The following EIF2AK3 variants were observed in gnomAD, a reference collection of about 807,000 sequenced individuals.
EIF2AK3 encodes the protein eukaryotic translation initiation factor 2 alpha kinase 3, also known as eukaryotic translation initiation factor 2-alpha kinase 3.
EIF2AK3 carries 50 observed loss-of-function variants against 113.5 expected under a neutral mutation model. The ratio of observed to expected loss-of-function variants is 0.44; its 90% CI spans 0.35 to 0.56. The LOEUF (loss-of-function observed/expected upper bound fraction) is 0.56. EIF2AK3 is among the 20% of genes least tolerant of loss of function. The pLI is 0.00. For missense variants in EIF2AK3, 1,185 were observed against 1,378.0 expected (o/e 0.86, Z 2.22); for synonymous variants, 448 against 495.4 (o/e 0.90, Z 1.27).
At chr2:88,594,630 G>A (rs1348478755) in intron 3 of EIF2AK3, among the ~76,000 whole-genome samples, 2 of 152,100 alleles carry the variant, frequency 1.3e-5, no homozygotes, top group Non-Finnish European at 2.9e-5. Flanking sequence ...TGACTTTGTT[G>A]TCAGATAGAT....
intron 8 of EIF2AK3, among the ~76,000 whole-genome samples, chr2:88,587,008 C>G (rs1348899083): frequency 6.7e-6 from 1 of 149,740 alleles, no homozygotes; most frequent in Non-Finnish European, 1.5e-5. Context: ...AGTTCGAGAA[C>G]AGCCTGGCCA....
rs546445408 is a variant in EIF2AK3 at position 88,615,880 on chromosome 2, G to A, written c.309-2027C>T. Among the ~76,000 whole-genome samples the A allele has an allele frequency of 1.2e-3, 177 of 152,218 alleles. 1 individual carries two copies. Among genetic ancestry groups the A allele is most frequent in the African/African-American group, 4.0e-3 (168 of 41,544 alleles). On this transcript the variant is annotated intron_variant, in intron 1 of 16. Transcript: ENST00000303236. ...CTCGCCCCTACCACCTCACTAAAAT[G>A]GTTCTTGTCAGAGTCAAGAATGACC... is the stretch of plus-strand genomic sequence containing the variant.
intron 2 of EIF2AK3, among the ~76,000 whole-genome samples, chr2:88,600,598 G>C (rs1159321482): frequency 6.6e-6 from 1 of 152,106 alleles, no homozygotes. Flanking sequence ...GTCTATCTGT[G>C]TAATCATAAA....
chr2:88,624,470 T>C (rs925617751), intron 1 of EIF2AK3, among the ~76,000 whole-genome samples: 1 of 152,216 alleles, frequency 6.6e-6, no homozygotes, highest in African/African-American at 2.4e-5. Context: ...TTAAACTCTT[T>C]AAGTGTGCTC....
chr2:88,563,936 T>G (rs1358205661), intron 14 of EIF2AK3, among the ~76,000 whole-genome samples: 1 of 152,224 alleles, frequency 6.6e-6, no homozygotes, highest in Non-Finnish European at 1.5e-5. Context: ...TTTTGTTATA[T>G]GTCCCTATAC....
At chr2:88,602,448 AAG>A (rs1675173130) in intron 2 of EIF2AK3, among the ~76,000 whole-genome samples, 1 of 152,156 alleles carries the variant, frequency 6.6e-6, no homozygotes, top group African/African-American at 2.4e-5. Flanking sequence ...GGGTAAGAAA[AAG>A]AGTGTGGCAA....
chr2:88,595,843 C>A, intron 2 of EIF2AK3, 180 bp from the exon 3 acceptor site: 1 of 695,974 alleles, frequency 1.4e-6, no homozygotes, highest in East Asian at 2.7e-5. Flanking sequence ...TGCAGTCCAT[C>A]AACCAAAAGT....
intron 6 of EIF2AK3, among the ~76,000 whole-genome samples, chr2:88,589,586 A>T (rs923083656): frequency 2.5e-4 from 38 of 151,372 alleles, no homozygotes; most frequent in Non-Finnish European, 5.5e-4. Flanking sequence ...AAATACAGAA[A>T]ATTATAGACT....
At chr2:88,626,575 C>T (rs1675864369) in intron 1 of EIF2AK3, among the ~76,000 whole-genome samples, 1 of 152,242 alleles carries the variant, frequency 6.6e-6, no homozygotes, top group African/African-American at 2.4e-5. Context: ...AAAGTCCTTT[C>T]TCAAAACAGC....
At chr2:88,587,806 A>G (rs1201484876) in intron 8 of EIF2AK3, among the ~76,000 whole-genome samples, 176 bp downstream of exon 8, 1 of 152,210 alleles carries the variant, frequency 6.6e-6, no homozygotes, top group African/African-American at 2.4e-5. Flanking sequence ...GCATGTGGCA[A>G]AAATGGGATC....
At chr2:88,601,803 A>C (rs538243111) in intron 2 of EIF2AK3, among the ~76,000 whole-genome samples, 27 of 91,300 alleles carry the variant, frequency 3.0e-4, no homozygotes, top group African/African-American at 1.1e-3. Context: ...TAATTTTGTC[A>C]TTCTTTCTGC....
At chr2:88,601,586 C>T (rs1675148100) in intron 2 of EIF2AK3, among the ~76,000 whole-genome samples, 1 of 152,186 alleles carries the variant, frequency 6.6e-6, no homozygotes, top group Admixed American at 6.5e-5. Flanking sequence ...TGGCCCTTTA[C>T]AGGAAAAGTT....
chr2:88,596,550 G>T (rs1675027072), intron 2 of EIF2AK3, among the ~76,000 whole-genome samples: 1 of 152,086 alleles, frequency 6.6e-6, no homozygotes. Context: ...AAGAGCTTAG[G>T]GTAGACCCCA....
intron 2 of EIF2AK3, among the ~76,000 whole-genome samples, chr2:88,606,313 T>A (rs10206625): frequency 1.8e-4 from 26 of 144,982 alleles, no homozygotes; most frequent in African/African-American, 5.9e-4. Flanking sequence ...AAAAATAAAA[T>A]AAAAAATAAA....
In EIF2AK3 at chr2:88,590,942, TTA is replaced by T; in HGVS notation, c.876_877del (p.Lys293AsnfsTer23). ...CTGTTCTTCCACATCTGAAATAATT[TTA>T]GACTCTTCTGTGTTCTCATTGGGCT... On this transcript the variant is annotated frameshift_variant, in exon 5 of 17. Transcript: ENST00000303236. LOFTEE classifies it high-confidence loss of function. The T allele has an allele frequency of 6.2e-7, 1 of 1,614,144 alleles. No homozygotes were observed. The highest frequency in any genetic ancestry group is 1.1e-5 in the South Asian group (1 of 91,088).
At position 88,579,936 on chromosome 2, in the gene EIF2AK3, A is replaced by G. The variant is rs148552051; in HGVS notation, c.1764-296T>C. ...CTGCACTAGTGATGTGTGCTGTCCAATACTTCCTATCATCTACCAAAATAT... is the reference window on the plus strand; with the variant it reads ...CTGCACTAGTGATGTGTGCTGTCCAGTACTTCCTATCATCTACCAAAATAT... On this transcript the variant is annotated intron_variant, in intron 10 of 16. Transcript: ENST00000303236. 3.2e-5 allele frequency: 10 copies of G among 312,348 alleles called. No homozygotes were observed. In the East Asian group the frequency reaches 3.2e-4, roughly 10 times the overall value. 19.3% of individuals were successfully genotyped at this position (312,348 alleles called of 1,614,324 possible).
chr2:88,591,890 CA>C (rs1573406649), intron 4 of EIF2AK3, among the ~76,000 whole-genome samples: 1 of 152,036 alleles, frequency 6.6e-6, no homozygotes, highest in East Asian at 1.9e-4. Context: ...AGCACTCAAA[CA>C]CTTAAAAAAA....
At chr2:88,626,885 CG>C in intron 1 of EIF2AK3, 81 bp downstream of exon 1, 2 of 1,546,836 alleles carry the variant, frequency 1.3e-6, no homozygotes, top group Non-Finnish European at 1.7e-6. Flanking sequence ...GCCCGGGTCC[CG>C]GATCTCCGCC....
Position 88,585,896 on chromosome 2 carries a change from C to CA in EIF2AK3, c.1594dup (p.Cys532LeufsTer25). The CA allele has an allele frequency of 6.2e-7, 1 of 1,614,036 alleles. No individual in the cohort carries two copies. Among genetic ancestry groups the CA allele is most frequent in the South Asian group, 1.1e-5 (1 of 91,082 alleles). On this transcript the variant is annotated frameshift_variant, in exon 9 of 17. Coordinates refer to ENST00000303236, the MANE Select transcript of EIF2AK3 (RefSeq NM_004836.7). LOFTEE classifies it high-confidence loss of function. ...CACAATAAACGTTGTTGCTATGATA[C>CA]AAAACAAAATCGTTGCAACTATTTC... is the stretch of plus-strand genomic sequence containing the variant.
Sources: allele counts gnomAD v4.1 joint callset (sites outside exome capture counted in the v4.1 genomes callset), GRCh38; gene constraint gnomAD v4.1.1; transcripts MANE v1.5; gene names NCBI Gene and HGNC (gene_info 2026-07-23, HGNC 2026-07-21).